EVI5: variants seen among roughly 807,000 people sequenced by gnomAD.
EVI5 encodes the protein ecotropic viral integration site 5, also known as ecotropic viral integration site 5 protein homolog.
EVI5 carries 73 observed loss-of-function variants against 112.0 expected under a neutral mutation model. That is an observed-to-expected ratio of 0.65 (90% CI 0.54 to 0.79). The LOEUF is 0.79. Among genes scored for constraint, EVI5 ranks in the 30% least tolerant of loss-of-function variants. EVI5 has a pLI of 0.00. For synonymous variants in EVI5, 305 were observed against 319.9 expected (o/e 0.95, Z 0.50); for missense variants, 900 against 968.8 (o/e 0.93, Z 0.94).
At chr1:92,525,265 GC>G (rs1661669144) in intron 19 of EVI5, among the ~76,000 whole-genome samples, 1 of 94,864 alleles carries the variant, frequency 1.1e-5, no homozygotes, top group Non-Finnish European at 2.0e-5. Flanking sequence ...CAATGACAAT[GC>G]CTTTTTTTTT....
intron 8 of EVI5, 42 bp from the exon 9 acceptor site, chr1:92,693,941 C>T: frequency 1.7e-6 from 2 of 1,150,110 alleles, no homozygotes; most frequent in Non-Finnish European, 2.6e-6. Context: ...TGACTTAGTG[C>T]TGTTAATAGT....
At chr1:92,599,089 TGTAA>T (rs1392084927) in intron 18 of EVI5, among the ~76,000 whole-genome samples, 6 of 151,750 alleles carry the variant, frequency 4.0e-5, no homozygotes, top group Non-Finnish European at 5.9e-5. Flanking sequence ...TATATCTATA[TGTAA>T]GTATCTATAT....
intron 14 of EVI5, among the ~76,000 whole-genome samples, chr1:92,634,460 C>T (rs1412721854): frequency 6.6e-6 from 1 of 152,188 alleles, no homozygotes; most frequent in African/African-American, 2.4e-5. Flanking sequence ...CTTTCTTCCA[C>T]TTGATCGAAT....
chr1:92,531,173 G>A (rs1662804929), intron 19 of EVI5, among the ~76,000 whole-genome samples: 1 of 151,850 alleles, frequency 6.6e-6, no homozygotes, highest in Non-Finnish European at 1.5e-5. Flanking sequence ...AGATCAAGCA[G>A]AAGAAAGGAT....
chr1:92,620,576 T>C (rs1654322229), intron 16 of EVI5, among the ~76,000 whole-genome samples: 1 of 151,936 alleles, frequency 6.6e-6, no homozygotes, highest in South Asian at 2.1e-4. Context: ...TACAACAGAA[T>C]CCTGGCTGGC....
Position 92,736,480 on chromosome 1 carries a change from T to C in EVI5, c.67A>G (p.Thr23Ala). The change falls in exon 2 of 20, where the codon ACA becomes GCA. Residue 23 changes from threonine (T) to alanine (A), a missense_variant. Transcript: ENST00000684568. ...HTTSSSTTLS[T>A]PALSPSSPSQ... ...GGGGAAGATGGTGAAAGGGCTGGTG[T>C]TGATAGTGTGGTAGATGAGGATGTG... 2 of 1,613,954 alleles carry C rather than the reference T, an allele frequency of 1.2e-6. No homozygotes were observed. Among genetic ancestry groups the C allele is most frequent in the East Asian group, 2.2e-5 (1 of 44,874 alleles).
At chr1:92,703,932 C>CAAAAAAAAAAAAA (rs57830016) in intron 3 of EVI5, 3 of 82,012 alleles carry the variant, frequency 3.7e-5, no homozygotes, top group Admixed American at 3.5e-4. Context: ...CTGTTGAAGG[C>CAAAAAAAAAAAAA]AAAAAAAAAA....
intron 13 of EVI5, among the ~76,000 whole-genome samples, chr1:92,654,893 A>G (rs1302359167): frequency 6.6e-6 from 1 of 152,246 alleles, no homozygotes; most frequent in East Asian, 1.9e-4. Flanking sequence ...GCTTAAAGAC[A>G]GGTCTATTGA....
Position 92,511,933 on chromosome 1 carries a change from C to CA in EVI5, c.*1722dup, listed in dbSNP as rs1659215263. 1.3e-5 allele frequency: 2 copies of CA among 152,250 alleles called. No homozygotes were observed. Among genetic ancestry groups the CA allele is most frequent in the Middle Eastern group, 3.4e-3 (1 of 294 alleles). 9.4% of individuals were successfully genotyped at this position (152,250 alleles called of 1,614,324 possible). A position where few individuals can be genotyped will look rare whatever the true frequency, so the allele number is the denominator to read the frequency against. On this transcript the variant is annotated 3_prime_UTR_variant, in exon 20 of 20. Transcript: ENST00000684568. Reference sequence around the variant, plus strand: ...ATATTTTTTTTTTTGCCGCATGCAACATACTGTGCAAAACTGTGCCTCCAT... The same window carrying CA: ...ATATTTTTTTTTTTGCCGCATGCAACAATACTGTGCAAAACTGTGCCTCCAT...
chr1:92,707,653 T>C (rs72724587), intron 2 of EVI5, among the ~76,000 whole-genome samples: 29,941 of 152,152 alleles, frequency 0.2, 3,482 homozygotes, highest in Non-Finnish European at 0.26. Flanking sequence ...ATACCAAATG[T>C]TGGCCAGGAT....
chr1:92,627,468 C>T (rs972159142), intron 14 of EVI5, among the ~76,000 whole-genome samples: 1 of 152,166 alleles, frequency 6.6e-6, no homozygotes, highest in Admixed American at 6.5e-5. Flanking sequence ...GTGAATTGTG[C>T]TGCTATAAAC....
At chr1:92,536,885 G>A (rs370301242) in intron 19 of EVI5, among the ~76,000 whole-genome samples, 2 of 151,994 alleles carry the variant, frequency 1.3e-5, no homozygotes, top group East Asian at 1.9e-4. Context: ...TTAAAGAGAC[G>A]TAACAAGTTA....
chr1:92,784,359 T>G (rs1026677201), intron 1 of EVI5: 1 of 985,370 alleles, frequency 1.0e-6, no homozygotes, highest in African/African-American at 1.7e-5. Context: ...ACATCTGTCT[T>G]GCCCATCAGC....
rs181481502 is a variant in EVI5, at chr1:92,562,800, G to C, written c.2166+842C>G. ...ACTGAAGGGTGTAATACCAGGAAAGGGTAACGTCTAAACTTTTTCCTGTGA... is the reference window on the plus strand; with the variant it reads ...ACTGAAGGGTGTAATACCAGGAAAGCGTAACGTCTAAACTTTTTCCTGTGA... On this transcript the variant is annotated intron_variant, in intron 19 of 19. Transcript: ENST00000684568. 2.0e-5 allele frequency among the ~76,000 whole-genome samples: 3 copies of C among 152,100 alleles called. No homozygotes were observed. The East Asian group carries it at 5.8e-4, about 29-fold the overall frequency.
rs370949072 is a variant in EVI5, at chr1:92,792,383, G to C, written c.12C>G (p.Asn4Lys). 49 of 1,610,344 alleles carry C rather than the reference G, an allele frequency of 3.0e-5. No individual in the cohort carries two copies. Among genetic ancestry groups the C allele is most frequent in the Non-Finnish European group, 4.0e-5 (47 of 1,176,612 alleles). The change falls in exon 1 of 18, where the codon AAC (asparagine) becomes AAG (lysine). Residue 4 changes from asparagine (N) to lysine (K), a missense_variant. Transcript: ENST00000370331. The stretch of plus-strand genomic sequence containing the variant: ...GGTTTCTAAAGGCAGCAGTCATTTT[G>C]TTGGTAACCATGATAAGCAGAGAAG...
chr1:92,517,208 G>A (rs979827954), intron 19 of EVI5, among the ~76,000 whole-genome samples: 5 of 152,138 alleles, frequency 3.3e-5, no homozygotes, highest in Admixed American at 6.5e-5. Context: ...AACATGTACC[G>A]ACTCTTTTCT....
intron 2 of EVI5, among the ~76,000 whole-genome samples, chr1:92,707,894 AT>A (rs1217743028): frequency 6.6e-6 from 1 of 152,208 alleles, no homozygotes; most frequent in African/African-American, 2.4e-5. Context: ...TGGTACATTC[AT>A]TCAGTGTGAT....
chr1:92,624,883 A>G (rs1479598161), intron 15 of EVI5, among the ~76,000 whole-genome samples: 1 of 152,180 alleles, frequency 6.6e-6, no homozygotes, highest in Non-Finnish European at 1.5e-5. Flanking sequence ...ACATTTGGCA[A>G]TGTGTGTGGA....
chr1:92,548,644 A>G (rs1337833618), intron 19 of EVI5, among the ~76,000 whole-genome samples: 1 of 152,250 alleles, frequency 6.6e-6, no homozygotes, highest in Non-Finnish European at 1.5e-5. Context: ...CAACTTCAGC[A>G]AAGTCTCAGG....
Sources: allele counts gnomAD v4.1 joint callset (sites outside exome capture counted in the v4.1 genomes callset), GRCh38; gene constraint gnomAD v4.1.1; transcripts MANE v1.5; gene names NCBI Gene and HGNC (gene_info 2026-07-23, HGNC 2026-07-21).